Variants in ROBO2 observed in about 807,000 individuals in gnomAD.
ROBO2 encodes roundabout homolog 2.
In ROBO2, 53 loss-of-function variants were observed where a neutral mutation model predicts 160.8. That is an observed-to-expected ratio of 0.33 (90% confidence interval 0.26 to 0.41). The LOEUF is 0.41. ROBO2 is among the 10% of genes least tolerant of loss of function. The pLI is 1.00. For synonymous variants in ROBO2, 664 were observed against 611.7 expected (o/e 1.09, Z -1.26); for missense variants, 1,577 against 1,722.4 (o/e 0.92, Z 1.49).
intron 2 of ROBO2, among the ~76,000 whole-genome samples, chr3:76,876,534 G>A (rs1028675469): frequency 6.6e-6 from 1 of 152,108 alleles, no homozygotes; most frequent in East Asian, 1.9e-4. Flanking sequence ...AATGAGCCAG[G>A]CATGGTGGTG....
At chr3:76,447,114 A>T (rs2077223134) in intron 2 of ROBO2, among the ~76,000 whole-genome samples, 1 of 152,190 alleles carries the variant, frequency 6.6e-6, no homozygotes. Context: ...AGCCTACAGA[A>T]TGGGAGAAAA....
intron 2 of ROBO2, among the ~76,000 whole-genome samples, chr3:76,658,099 A>C (rs1283504971): frequency 6.7e-6 from 1 of 148,818 alleles, no homozygotes; most frequent in Non-Finnish European, 1.5e-5. Context: ...TAAATAAATA[A>C]ATAAATAAAT....
intron 8 of ROBO2, among the ~76,000 whole-genome samples, chr3:77,554,565 GC>G (rs2093040612): frequency 6.6e-6 from 1 of 151,964 alleles, no homozygotes; most frequent in African/African-American, 2.4e-5. Flanking sequence ...TGGGAGGAGG[GC>G]AAAACATCAA....
At chr3:76,423,807 A>G (rs1387087071) in intron 2 of ROBO2, among the ~76,000 whole-genome samples, 2 of 152,182 alleles carry the variant, frequency 1.3e-5, no homozygotes, top group Non-Finnish European at 2.9e-5. Flanking sequence ...TGAAATGTCT[A>G]AAATGATGGC....
chr3:76,357,910 A>AT (rs1559816428), intron 2 of ROBO2, among the ~76,000 whole-genome samples: 2 of 150,270 alleles, frequency 1.3e-5, no homozygotes, highest in African/African-American at 4.9e-5. Context: ...ATATATATAT[A>AT]AATTTTAAAT....
chr3:76,749,032 A>AT (rs2093937224), intron 2 of ROBO2, among the ~76,000 whole-genome samples: 1 of 151,926 alleles, frequency 6.6e-6, no homozygotes, highest in South Asian at 2.1e-4. Flanking sequence ...ATGGTAGAAT[A>AT]TTTAATGACA....
intron 2 of ROBO2, among the ~76,000 whole-genome samples, chr3:76,945,510 C>A (rs2078476817): frequency 6.6e-6 from 1 of 152,152 alleles, no homozygotes; most frequent in African/African-American, 2.4e-5. Context: ...GTTTTCTTTG[C>A]ATGTGTTTTC....
intron 2 of ROBO2, among the ~76,000 whole-genome samples, chr3:76,494,413 T>A (rs755374720): frequency 1.3e-4 from 20 of 152,150 alleles, no homozygotes; most frequent in Non-Finnish European, 2.8e-4. Flanking sequence ...ACCTACATAC[T>A]TTTATACTCC....
chr3:76,552,184 A>G (rs777607012), intron 2 of ROBO2, among the ~76,000 whole-genome samples: 26 of 152,352 alleles, frequency 1.7e-4, no homozygotes, highest in Non-Finnish European at 1.8e-4. Flanking sequence ...GAGATGATTT[A>G]AAGTATACAG....
intron 2 of ROBO2, among the ~76,000 whole-genome samples, chr3:76,640,259 G>A (rs144871492): frequency 1.3e-3 from 203 of 152,248 alleles, no homozygotes; most frequent in Non-Finnish European, 2.2e-3. Context: ...GGCCGGGCGC[G>A]GTGGCTCACG....
intron 2 of ROBO2, among the ~76,000 whole-genome samples, chr3:77,266,659 T>A (rs1229645409): frequency 6.6e-6 from 1 of 152,168 alleles, no homozygotes; most frequent in Admixed American, 6.6e-5. Flanking sequence ...TATAAATCCC[T>A]GATCTACTAA....
chr3:76,765,078 C>T (rs2061505018), intron 2 of ROBO2, among the ~76,000 whole-genome samples: 1 of 151,652 alleles, frequency 6.6e-6, no homozygotes, highest in African/African-American at 2.4e-5. Context: ...CCACCCTCTG[C>T]AGTCTCTAAT....
intron 2 of ROBO2, among the ~76,000 whole-genome samples, chr3:76,522,135 C>A (rs1328410336): frequency 2.0e-5 from 3 of 152,088 alleles, no homozygotes; most frequent in Non-Finnish European, 4.4e-5. Flanking sequence ...AAATGTTTTT[C>A]CCTCTGTATC....
At chr3:76,363,958 T>C (rs2075670397) in intron 2 of ROBO2, among the ~76,000 whole-genome samples, 1 of 152,070 alleles carries the variant, frequency 6.6e-6, no homozygotes, top group South Asian at 2.1e-4. Context: ...GCAGTAACTT[T>C]TATATAACAT....
At chr3:77,579,145 A>G (rs1177591474) in intron 15 of ROBO2, among the ~76,000 whole-genome samples, 1 of 152,130 alleles carries the variant, frequency 6.6e-6, no homozygotes, top group African/African-American at 2.4e-5. Context: ...ATTGTATAAT[A>G]TGAATACAAA....
intron 2 of ROBO2, among the ~76,000 whole-genome samples, chr3:76,233,841 G>C (rs983043155): frequency 2.0e-5 from 3 of 152,042 alleles, no homozygotes; most frequent in Admixed American, 2.0e-4. Flanking sequence ...TTTAGGTTTA[G>C]GGTTACATGT....
chr3:77,072,368 A>C (rs1361990124), intron 1 of ROBO2, among the ~76,000 whole-genome samples: 1 of 151,852 alleles, frequency 6.6e-6, no homozygotes, highest in Non-Finnish European at 1.5e-5. Context: ...ATCATCCCCA[A>C]ACCCTCCTCC....
chr3:77,415,324 G>T (rs934080802), intron 2 of ROBO2, among the ~76,000 whole-genome samples: 1 of 152,118 alleles, frequency 6.6e-6, no homozygotes, highest in African/African-American at 2.4e-5. Flanking sequence ...GTTCTAAGGG[G>T]TATGAATATT....
At chr3:77,059,039 T>C (rs1689781440) in intron 1 of ROBO2, among the ~76,000 whole-genome samples, 1 of 152,208 alleles carries the variant, frequency 6.6e-6, no homozygotes, top group East Asian at 1.9e-4. Context: ...AATATGTTTA[T>C]ACCTGTGATT....
Sources: allele counts gnomAD v4.1 joint callset (sites outside exome capture counted in the v4.1 genomes callset), GRCh38; gene constraint gnomAD v4.1.1; transcripts MANE v1.5; gene names NCBI Gene and HGNC (gene_info 2026-07-23, HGNC 2026-07-21).